The following NKAIN3 variants were observed in gnomAD, a reference collection of about 807,000 sequenced individuals.
The protein encoded by NKAIN3 is sodium/potassium transporting ATPase interacting 3, also known as sodium/potassium-transporting ATPase subunit beta-1-interacting protein 3.
NKAIN3 carries 25 observed loss-of-function variants against 30.2 expected under a neutral mutation model. The observed-to-expected ratio is 0.83, with a 90% CI of 0.60 to 1.16. The LOEUF is 1.16. Among genes scored for constraint, NKAIN3 ranks in the 50% most tolerant of loss-of-function variants. The pLI is 0.00. For missense variants in NKAIN3, 225 were observed against 254.1 expected (o/e 0.89, Z 0.78); for synonymous variants, 91 against 89.6 (o/e 1.02, Z -0.09).
At chr8:62,942,004 C>A (rs576263042) in intron 5 of NKAIN3, among the ~76,000 whole-genome samples, 1 of 151,686 alleles carries the variant, frequency 6.6e-6, no homozygotes, top group South Asian at 2.1e-4. Context: ...GATCATATAC[C>A]TAGAAAAGCC....
At chr8:62,302,885 A>AGT (rs1280219981) in intron 1 of NKAIN3, among the ~76,000 whole-genome samples, 1 of 150,838 alleles carries the variant, frequency 6.6e-6, no homozygotes, top group East Asian at 1.9e-4. Flanking sequence ...ATTTCTTTAC[A>AGT]GTGGTAACAT....
intron 1 of NKAIN3, among the ~76,000 whole-genome samples, chr8:62,342,632 T>C (rs1326170516): frequency 1.3e-5 from 2 of 152,084 alleles, no homozygotes; most frequent in Non-Finnish European, 2.9e-5. Context: ...CTCTTGATGT[T>C]TCTCATCTTG....
chr8:62,780,679 C>T (rs955535414), intron 4 of NKAIN3, among the ~76,000 whole-genome samples: 4 of 151,962 alleles, frequency 2.6e-5, no homozygotes, highest in African/African-American at 9.7e-5. Context: ...GAATTAAAGA[C>T]AAAAGTCATA....
At chr8:62,258,762 T>C (rs1204740303) in intron 1 of NKAIN3, among the ~76,000 whole-genome samples, 1 of 152,192 alleles carries the variant, frequency 6.6e-6, no homozygotes, top group East Asian at 1.9e-4. Context: ...AATATTGGGA[T>C]GCTTTGGGAA....
chr8:62,504,692 C>G (rs150299663), intron 1 of NKAIN3, among the ~76,000 whole-genome samples: 3 of 152,150 alleles, frequency 2.0e-5, no homozygotes, highest in African/African-American at 7.2e-5. Flanking sequence ...TCAGGAAACA[C>G]AGCAATACTC....
intron 3 of NKAIN3, among the ~76,000 whole-genome samples, chr8:62,657,685 C>G (rs1812802173): frequency 1.3e-5 from 2 of 152,176 alleles, no homozygotes; most frequent in South Asian, 4.1e-4. Flanking sequence ...TGAGTAAACA[C>G]TTGTTGCATG....
At chr8:62,871,076 A>C (rs932398075) in intron 4 of NKAIN3, among the ~76,000 whole-genome samples, 7 of 152,050 alleles carry the variant, frequency 4.6e-5, no homozygotes, top group African/African-American at 1.4e-4. Flanking sequence ...ATATATGTAC[A>C]CATTATGAAA....
chr8:62,403,348 AAACGTT>A (rs1194877687), intron 1 of NKAIN3, among the ~76,000 whole-genome samples: 1 of 152,246 alleles, frequency 6.6e-6, no homozygotes, highest in African/African-American at 2.4e-5. Flanking sequence ...ACAAGGAGCC[AAACGTT>A]AATAGCCAAG....
intron 1 of NKAIN3, among the ~76,000 whole-genome samples, chr8:62,499,976 G>A (rs1585876395): frequency 6.6e-6 from 1 of 151,814 alleles, no homozygotes; most frequent in Non-Finnish European, 1.5e-5. Flanking sequence ...ATAACTGATT[G>A]TTTATTTTAA....
At chr8:62,589,597 C>A in intron 2 of NKAIN3, 117 bp from the exon 3 acceptor site, 1 of 512,598 alleles carries the variant, frequency 2.0e-6, no homozygotes, top group Non-Finnish European at 3.5e-6. Context: ...CTGAGCGCTC[C>A]GTCAGTTTCT....
Position 62,254,626 on chromosome 8 carries a change from T to G in NKAIN3, c.54+5499T>G, listed in dbSNP as rs1016962483. 9.7e-5 allele frequency among the ~76,000 whole-genome samples: 9 copies of G among 92,728 alleles called. No individual in the cohort carries two copies. The South Asian group carries it at 1.4e-3, about 14-fold the overall frequency. The allele number at this position is 92,728 out of a possible 152,430, so 60.8% of individuals were successfully genotyped here. A position where few individuals can be genotyped will look rare whatever the true frequency, so the allele number is the denominator to read the frequency against. ...ATAATTATTATCAAATTATATCTTT[T>G]GATTTTTTTTTCTGAGAGGTTAAGA... On this transcript the variant is annotated intron_variant, in intron 1 of 6. Coordinates refer to ENST00000623646, the MANE Select transcript of NKAIN3 (RefSeq NM_001304533.3).
intron 1 of NKAIN3, chr8:62,482,127 A>C (rs924154629): frequency 1.3e-5 from 2 of 152,142 alleles, no homozygotes; most frequent in Non-Finnish European, 2.9e-5. Context: ...TCTGCCTTTC[A>C]CTGTTGGTTA....
intron 3 of NKAIN3, among the ~76,000 whole-genome samples, chr8:62,667,182 A>G (rs1668709098): frequency 6.6e-6 from 1 of 150,678 alleles, no homozygotes; most frequent in South Asian, 2.1e-4. Context: ...TAGCATTAGG[A>G]GATATACCAA....
intron 1 of NKAIN3, among the ~76,000 whole-genome samples, chr8:62,399,865 A>G (rs1489924160): frequency 3.3e-5 from 5 of 152,166 alleles, no homozygotes; most frequent in Non-Finnish European, 7.3e-5. Context: ...TAAGGAGGAA[A>G]CATGAATTGT....
intron 4 of NKAIN3, among the ~76,000 whole-genome samples, chr8:62,899,570 G>T (rs1012665967): frequency 2.0e-5 from 3 of 152,122 alleles, no homozygotes; most frequent in Non-Finnish European, 4.4e-5. Flanking sequence ...TAGAAGGATG[G>T]TTACCAGAGG....
chr8:62,822,763 A>G (rs2130733378), intron 4 of NKAIN3, among the ~76,000 whole-genome samples: 1 of 152,332 alleles, frequency 6.6e-6, no homozygotes, highest in Middle Eastern at 3.4e-3. Context: ...GCAGTCGTGC[A>G]TCACTTAATG....
At chr8:62,688,085 A>G (rs1023570998) in intron 3 of NKAIN3, among the ~76,000 whole-genome samples, 6 of 152,228 alleles carry the variant, frequency 3.9e-5, no homozygotes, top group African/African-American at 7.2e-5. Context: ...TCTCTGTTAT[A>G]TGTTCCTGAC....
chr8:62,369,199 A>C (rs1257991682), intron 1 of NKAIN3, among the ~76,000 whole-genome samples: 1 of 151,464 alleles, frequency 6.6e-6, no homozygotes, highest in Non-Finnish European at 1.5e-5. Flanking sequence ...ATCCGTCTTA[A>C]GACTATGAAA....
intron 3 of NKAIN3, among the ~76,000 whole-genome samples, chr8:62,719,322 G>C (rs1815008133): frequency 6.6e-6 from 1 of 152,120 alleles, no homozygotes; most frequent in African/African-American, 2.4e-5. Context: ...AGAGTATTGT[G>C]ATTATTTCCC....
Sources: allele counts gnomAD v4.1 joint callset (sites outside exome capture counted in the v4.1 genomes callset), GRCh38; gene constraint gnomAD v4.1.1; transcripts MANE v1.5; gene names NCBI Gene and HGNC (gene_info 2026-07-23, HGNC 2026-07-21).